The following ZNF708 variants were observed in gnomAD, a reference collection of about 807,000 sequenced individuals.
ZNF708 encodes the protein ZNF15, ZNF15L1.
Under a neutral mutation model 47.0 loss-of-function variants are expected in ZNF708, and 44 were observed. That is an observed-to-expected ratio of 0.94 (90% confidence interval 0.74 to 1.20). ZNF708 has a LOEUF of 1.20. ZNF708 is among the 50% of genes most tolerant of loss of function. The pLI, the probability that ZNF708 is intolerant of heterozygous loss-of-function variation, is 0.00. For missense variants in ZNF708, 557 were observed against 656.0 expected, an observed-to-expected ratio of 0.85 and a Z score of 1.65; for synonymous variants, 184 against 218.5, an observed-to-expected ratio of 0.84 and a Z score of 1.39.
chr19:21,312,054 G>C (rs1195228444), intron 1 of ZNF708, among the ~76,000 whole-genome samples: 3 of 152,046 alleles, frequency 2.0e-5, no homozygotes, highest in East Asian at 1.9e-4. Context: ...CAGCACTTTG[G>C]GGGGCCAAGG....
At chr19:21,320,714 A>C (rs368136124) in intron 1 of ZNF708, among the ~76,000 whole-genome samples, 1 of 150,820 alleles carries the variant, frequency 6.6e-6, no homozygotes, top group African/African-American at 2.4e-5. Flanking sequence ...AAAATAAAAG[A>C]TCTAATAAAA....
chr19:21,317,585 C>G (rs1973041909), intron 1 of ZNF708, among the ~76,000 whole-genome samples: 1 of 152,128 alleles, frequency 6.6e-6, no homozygotes. Flanking sequence ...AAATTATCTC[C>G]AGCCCCAGAA....
intron 1 of ZNF708, among the ~76,000 whole-genome samples, chr19:21,311,221 T>C (rs1055201550): frequency 2.0e-5 from 3 of 151,608 alleles, no homozygotes; most frequent in African/African-American, 7.3e-5. Flanking sequence ...TCCAAAGACA[T>C]ATGTATACAA....
chr19:21,294,204 A>T lies in ZNF708; in HGVS notation c.762T>A (p.Cys254Ter). 6.2e-7 allele frequency: 1 copy of T among 1,612,988 alleles called. No homozygotes were observed. Among genetic ancestry groups the T allele is most frequent in the South Asian group, 1.1e-5 (1 of 91,066 alleles). Residue 254 changes from cysteine to a stop codon, truncating the protein, a stop_gained, in exon 4 of 4, where the codon TGT (cysteine) becomes TGA (stop). Transcript: ENST00000356929. LOFTEE classifies it high-confidence loss of function. ...IIHTGEKLYK[C>*]EECGKAFNRS... ...GGTTAAAAGCTTTGCCACATTCTTCACATTTGTAGAGTTTCTCTCCAGTAT... is the reference window on the plus strand; with the variant it reads ...GGTTAAAAGCTTTGCCACATTCTTCTCATTTGTAGAGTTTCTCTCCAGTAT...
At chr19:21,315,673 G>A (rs1781870) in intron 1 of ZNF708, among the ~76,000 whole-genome samples, 2,612 of 152,108 alleles carry the variant, frequency 0.017, 86 homozygotes, top group African/African-American at 0.056. Context: ...GCATAGAGTG[G>A]GTTGATACAA....
chr19:21,310,212 T>C (rs1401004218), intron 2 of ZNF708, among the ~76,000 whole-genome samples: 1 of 151,984 alleles, frequency 6.6e-6, no homozygotes, highest in East Asian at 1.9e-4. Flanking sequence ...TTTGGGAGGC[T>C]GAGGCGGGCA....
chr19:21,307,030 CATACATAAA>C (rs1972785137), intron 3 of ZNF708: 4 of 117,230 alleles, frequency 3.4e-5, no homozygotes, highest in Admixed American at 8.2e-5. Flanking sequence ...CATAACATAA[CATACATAAA>C]ATAAAATAAA....
At position 21,293,994 on chromosome 19, in the gene ZNF708, A is replaced by G; in HGVS notation, c.972T>C (p.Thr324=). ...GKAFTLSSHL[T]THKRIHTGEK... is the part of the protein sequence containing the mutation. ...CACCAGTATGAATCCTCTTATGTGT[A>G]GTAAGGTGTGAAGATAGGGTAAAGG... The change falls in exon 4 of 4, where the codon ACT becomes ACC. Residue 324 remains threonine (T), a synonymous_variant. Transcript: ENST00000356929. 1 of 1,612,780 alleles carries G rather than the reference A, an allele frequency of 6.2e-7. No homozygotes were observed. Among genetic ancestry groups the G allele is most frequent in the South Asian group, 1.1e-5 (1 of 91,048 alleles).
At chr19:21,309,460 C>A in intron 2 of ZNF708, 119 bp from the exon 3 acceptor site, 9 of 981,522 alleles carry the variant, frequency 9.2e-6, no homozygotes, top group Non-Finnish European at 1.3e-5. Flanking sequence ...GTAATCCCAG[C>A]ACTCTGAGAG....
intron 1 of ZNF708, among the ~76,000 whole-genome samples, chr19:21,311,608 A>T (rs1972900287): frequency 6.6e-6 from 1 of 152,134 alleles, no homozygotes; most frequent in Non-Finnish European, 1.5e-5. Context: ...TTAGGTAGAC[A>T]TCTTGAGAAT....
At chr19:21,309,196 T>A (rs1458488142) in intron 3 of ZNF708, 50 bp downstream of exon 3, 1 of 1,478,394 alleles carries the variant, frequency 6.8e-7, no homozygotes, top group Admixed American at 2.2e-5. Context: ...TTTTCTCTTT[T>A]ACCTTTGGAC....
intron 1 of ZNF708, among the ~76,000 whole-genome samples, chr19:21,323,424 G>C (rs1395921369): frequency 1.3e-5 from 2 of 152,164 alleles, no homozygotes; most frequent in Non-Finnish European, 2.9e-5. Context: ...ACTTCAGTGT[G>C]AAACATTCTC....
chr19:21,313,038 C>T (rs2145174065), intron 1 of ZNF708, among the ~76,000 whole-genome samples: 1 of 151,428 alleles, frequency 6.6e-6, no homozygotes, highest in South Asian at 2.1e-4. Context: ...TGCCTGTAAT[C>T]CTAGGAGGCA....
chr19:21,294,079 G>A lies in ZNF708; in HGVS notation c.887C>T (p.Thr296Ile). Residue 296 changes from threonine (T) to isoleucine (I), a missense_variant, in exon 4 of 4, where the codon ACT becomes ATT. Coordinates refer to ENST00000356929, the MANE Select transcript of ZNF708 (RefSeq NM_021269.3). ...TCCAGTATGAATTTTCTTGTGATTA[G>A]TAAGGTTTGAGGACTGTTTAAAAGC... The part of the protein sequence containing the change: ...GKAFKQSSNL[T>I]NHKKIHTGEK... 6.2e-7 allele frequency: 1 copy of A among 1,613,492 alleles called. No individual in the cohort carries two copies. The highest frequency in any genetic ancestry group is 8.5e-7 in the Non-Finnish European group (1 of 1,179,848).
rs1286655936 is a variant in ZNF708, at chr19:21,309,279, T to C, written c.193A>G (p.Met65Val). 1.2e-6 allele frequency: 2 copies of C among 1,605,270 alleles called. No individual in the cohort carries two copies. Among genetic ancestry groups the C allele is most frequent in the Non-Finnish European group, 1.7e-6 (2 of 1,175,062 alleles). ...TTGGCTGCCATCTCGTGTCTCTTCA[T>C]ATTCCAGGGCTCTTTTCCTTGCTCC... ...CLEQGKEPWNMKRHEMAAKPP... is the reference protein window; with the variant it reads ...CLEQGKEPWNVKRHEMAAKPP... The change falls in exon 3 of 4, where the codon ATG (methionine) becomes GTG (valine). Residue 65 changes from methionine (M) to valine (V), a missense_variant. By Grantham distance (21) the Met-to-Val change is conservative. Transcript: ENST00000356929.
intron 1 of ZNF708, among the ~76,000 whole-genome samples, chr19:21,317,651 T>C (rs1973042817): frequency 6.6e-6 from 1 of 152,220 alleles, no homozygotes; most frequent in African/African-American, 2.4e-5. Flanking sequence ...TAAACCAGAA[T>C]GTGACATGCA....
chr19:21,294,583 A>G lies in ZNF708; in HGVS notation c.383T>C (p.Leu128Pro). 1 of 1,614,150 alleles carries G rather than the reference A, an allele frequency of 6.2e-7. No homozygotes were observed. The highest frequency in any genetic ancestry group is 8.5e-7 in the Non-Finnish European group (1 of 1,179,996). The change falls in exon 4 of 4, where the codon CTT becomes CCT. Residue 128 changes from leucine to proline, a missense_variant. Physicochemically the swap from Leu to Pro is moderately conservative, Grantham distance 98. Transcript: ENST00000356929. ...HKLHKGGHKG[L>P]NRCVTTTQSK... Reference sequence around the variant, plus strand: ...CTGGGTAGTTGTCACACACCGGTTAAGTCCCTTGTGACCTCCTTTGTGCAA... The same window carrying G: ...CTGGGTAGTTGTCACACACCGGTTAGGTCCCTTGTGACCTCCTTTGTGCAA...
chr19:21,304,648 GAAAATCACATGGGGC>G (rs1972724423), intron 3 of ZNF708, among the ~76,000 whole-genome samples: 1 of 152,138 alleles, frequency 6.6e-6, no homozygotes, highest in Non-Finnish European at 1.5e-5. Flanking sequence ...AACACTTTGG[GAAAATCACATGGGGC>G]AAAAAGTTTG....
intron 1 of ZNF708, among the ~76,000 whole-genome samples, chr19:21,327,302 G>A (rs934790599): frequency 6.6e-6 from 1 of 152,054 alleles, no homozygotes; most frequent in African/African-American, 2.4e-5. Flanking sequence ...GGCCGAGGCG[G>A]GCGGATCACC....
Sources: gnomAD v4.1 joint callset for allele counts (sites outside exome capture counted in the v4.1 genomes callset) on GRCh38, gnomAD v4.1.1 for gene constraint, MANE v1.5 for transcripts, NCBI Gene and HGNC (gene_info 2026-07-23, HGNC 2026-07-21) for gene names.